Variants in COL14A1 observed in about 807,000 individuals in gnomAD.
COL14A1 encodes the protein collagen alpha-1(XIV) chain.
A neutral mutation model predicts 230.3 loss-of-function variants in COL14A1; 136 were observed. The observed-to-expected ratio is 0.59, with a 90% CI of 0.51 to 0.68. The LOEUF (loss-of-function observed/expected upper bound fraction) is 0.68, where lower values mean the gene tolerates loss of function less well. Ranked by LOEUF, COL14A1 falls within the 30% of genes least tolerant of loss-of-function variation. COL14A1 has a pLI of 0.00. For missense variants in COL14A1, 1,976 were observed against 2,215.8 expected, an observed-to-expected ratio of 0.89 and a Z score of 2.17; for synonymous variants, 792 against 784.1, an observed-to-expected ratio of 1.01 and a Z score of -0.17.
chr8:120,219,537 G>GA (rs1333082693), intron 14 of COL14A1, among the ~76,000 whole-genome samples: 17 of 152,240 alleles, frequency 1.1e-4, no homozygotes, highest in Admixed American at 1.1e-3. Flanking sequence ...CCCTTACCTG[G>GA]TGGAAGGAGC....
intron 8 of COL14A1, 21 bp from the exon 9 acceptor site, chr8:120,203,688 C>CT: frequency 6.2e-7 from 1 of 1,611,752 alleles, no homozygotes; most frequent in Non-Finnish European, 8.5e-7. Flanking sequence ...TCACCATTCT[C>CT]TTTTTTGTCC....
intron 33 of COL14A1, 132 bp downstream of exon 33, chr8:120,286,102 A>G (rs1820192359): frequency 1.1e-5 from 7 of 622,944 alleles, no homozygotes; most frequent in Non-Finnish European, 2.0e-5. Context: ...CTTGTTAACA[A>G]TACCTGTGCT....
intron 13 of COL14A1, among the ~76,000 whole-genome samples, chr8:120,212,947 G>T (rs1385786432): frequency 1.3e-5 from 2 of 152,062 alleles, no homozygotes; most frequent in Non-Finnish European, 2.9e-5. Flanking sequence ...CAACTTTTTT[G>T]ATTGTATAAA....
rs147776758 is a variant in COL14A1 at position 120,319,796 on chromosome 8, G to T, written c.4659+3799G>T. Among the ~76,000 whole-genome samples the T allele has an allele frequency of 1.2e-4, 18 of 151,778 alleles. No homozygotes were observed. In the East Asian group the frequency reaches 3.5e-3, roughly 29 times the overall value. ...ACTGAACTTCATTGAACAAGTTGCA[G>T]CCTCTTGCTAGGCAGCCAGTAGAGT... On this transcript the variant is annotated intron_variant, in intron 40 of 47. Transcript: ENST00000297848.
intron 45 of COL14A1, among the ~76,000 whole-genome samples, chr8:120,348,306 CATAT>C (rs375948231): frequency 1.9e-4 from 26 of 138,690 alleles, no homozygotes; most frequent in African/African-American, 6.6e-4. Flanking sequence ...ATATATAAAG[CATAT>C]ATATATATAT....
intron 12 of COL14A1, 35 bp downstream of exon 12, chr8:120,209,936 T>G: frequency 7.2e-7 from 1 of 1,390,994 alleles, no homozygotes; most frequent in African/African-American, 1.5e-5. Flanking sequence ...TCCTAGAATC[T>G]TTTATTTCCT....
chr8:120,276,764 A>G (rs1171049861), intron 26 of COL14A1, among the ~76,000 whole-genome samples: 2 of 151,902 alleles, frequency 1.3e-5, no homozygotes, highest in Non-Finnish European at 2.9e-5. Context: ...CAGCACACCA[A>G]CATGGCACAT....
chr8:120,370,669 C>G, intron 47 of COL14A1: 1 of 1,448,842 alleles, frequency 6.9e-7, no homozygotes, highest in Non-Finnish European at 9.2e-7. Flanking sequence ...ATCCCAGACT[C>G]CCCTGTGTGA....
Position 120,310,079 on chromosome 8 carries a change from C to T in COL14A1, c.4455+17C>T, listed in dbSNP as rs1239159321. On this transcript the variant is annotated intron_variant, in intron 37 of 47. Transcript: ENST00000297848. ...GGTCCAAAGGTAATGCGCATGTTTT[C>T]TCTCTCTCTCTGTCTCATCTCTCTC... 5 of 1,523,586 alleles carry T rather than the reference C, an allele frequency of 3.3e-6. No homozygotes were observed. Among genetic ancestry groups the T allele is most frequent in the African/African-American group, 1.4e-5 (1 of 72,898 alleles). 94.4% of individuals were successfully genotyped at this position (1,523,586 alleles called of 1,614,324 possible).
intron 19 of COL14A1, among the ~76,000 whole-genome samples, chr8:120,239,192 C>T (rs1025325386): frequency 5.3e-5 from 8 of 152,158 alleles, no homozygotes; most frequent in Non-Finnish European, 1.0e-4. Context: ...CTTTCTTAGA[C>T]ATGTTTCTAA....
chr8:120,166,922 G>GTGTGTGTGTGTGT (rs1217998586), intron 4 of COL14A1, among the ~76,000 whole-genome samples: 8 of 134,408 alleles, frequency 6.0e-5, no homozygotes, highest in African/African-American at 1.8e-4. Flanking sequence ...GTGTGTGTGT[G>GTGTGTGTGTGTGT]GTGGTGATGA....
At chr8:120,189,453 T>C (rs1354254733) in intron 5 of COL14A1, among the ~76,000 whole-genome samples, 1 of 150,984 alleles carries the variant, frequency 6.6e-6, no homozygotes, top group Non-Finnish European at 1.5e-5. Context: ...CCTATGAGTC[T>C]TTTTTTTTAA....
intron 5 of COL14A1, among the ~76,000 whole-genome samples, chr8:120,180,818 C>T (rs1033544732): frequency 2.0e-5 from 3 of 148,620 alleles, no homozygotes; most frequent in African/African-American, 7.4e-5. Context: ...ACAGATTCTC[C>T]TGCTGCAGCC....
At chr8:120,347,682 T>G (rs1822570946) in intron 45 of COL14A1, among the ~76,000 whole-genome samples, 1 of 152,196 alleles carries the variant, frequency 6.6e-6, no homozygotes, top group Non-Finnish European at 1.5e-5. Context: ...TCTCATTTTC[T>G]ATAAAAGGAA....
intron 5 of COL14A1, among the ~76,000 whole-genome samples, chr8:120,196,442 C>T (rs769913459): frequency 4.6e-5 from 7 of 152,170 alleles, no homozygotes; most frequent in African/African-American, 1.7e-4. Context: ...GACTGGCACA[C>T]GCTGGTGTTG....
chr8:120,195,643 G>A (rs1401596174), intron 5 of COL14A1, among the ~76,000 whole-genome samples: 1 of 152,178 alleles, frequency 6.6e-6, no homozygotes, highest in Non-Finnish European at 1.5e-5. Context: ...AGAAGCAAAG[G>A]CACATCTTAC....
chr8:120,369,383 C>A lies in COL14A1; in HGVS notation c.5209C>A (p.Pro1737Thr). Residue 1737 changes from proline (P) to threonine (T), a missense_variant, in exon 47 of 48, where the codon CCA (proline) becomes ACA (threonine). Pro to Thr is a conservative substitution (Grantham distance 38, BLOSUM62 -1). Coordinates refer to ENST00000297848, the MANE Select transcript of COL14A1 (RefSeq NM_021110.4). ...GSPGPPGSPG[P>T]RGPPGHLGVP... ...CCCTGGGCCCCCTGGCTCTCCTGGA[C>A]CAAGAGGCCCACCAGGTCATCTGGG... The A allele has an allele frequency of 6.2e-7, 1 of 1,608,316 alleles. No homozygotes were observed. The highest frequency in any genetic ancestry group is 8.5e-7 in the Non-Finnish European group (1 of 1,177,440).
chr8:120,307,557 T>C (rs1383028196), intron 36 of COL14A1, among the ~76,000 whole-genome samples: 3 of 152,202 alleles, frequency 2.0e-5, no homozygotes, highest in African/African-American at 7.2e-5. Context: ...ATGAAGAATT[T>C]CTACTCATTA....
In COL14A1 at chr8:120,243,899, G is replaced by A; in HGVS notation, c.2370G>A (p.Gln790=). ...TTCAGGTTATGGTGCCTGGAAGCCA[G>A]AACAACCTCCTTCTGAAGCCTCTGC... is the stretch of plus-strand genomic sequence containing the variant. ...VIGTVMVPGS[Q]NNLLLKPLLP... Residue 790 remains glutamine, a synonymous_variant, in exon 20 of 48, where the codon CAG becomes CAA. Coordinates refer to ENST00000297848, the MANE Select transcript of COL14A1 (RefSeq NM_021110.4). 6.2e-7 allele frequency: 1 copy of A among 1,613,504 alleles called. No homozygotes were observed. The highest frequency in any genetic ancestry group is 8.5e-7 in the Non-Finnish European group (1 of 1,179,636).
Sources: gnomAD v4.1 joint callset for allele counts (sites outside exome capture counted in the v4.1 genomes callset) on GRCh38, gnomAD v4.1.1 for gene constraint, MANE v1.5 for transcripts, NCBI Gene and HGNC (gene_info 2026-07-23, HGNC 2026-07-21) for gene names.